Variants in DIP2B observed in about 807,000 individuals in gnomAD.
DIP2B encodes disco-interacting protein 2 homolog B.
Under a neutral mutation model 198.0 loss-of-function variants are expected in DIP2B, and 76 were observed. The observed-to-expected ratio is 0.38, with a 90% CI of 0.32 to 0.46. The LOEUF (loss-of-function observed/expected upper bound fraction) is 0.46, where lower values mean the gene tolerates loss of function less well. Among genes scored for constraint, DIP2B ranks in the 20% least tolerant of loss-of-function variants. The probability of loss-of-function intolerance (pLI) is 0.99; values close to 1 mark genes in which losing one functional copy is unlikely to be tolerated. For synonymous variants in DIP2B, 701 were observed against 739.1 expected, an observed-to-expected ratio of 0.95 and a Z score of 0.84; for missense variants, 1,559 against 1,978.4, an observed-to-expected ratio of 0.79 and a Z score of 4.02.
rs181138119 is a variant in DIP2B at position 50,627,546 on chromosome 12, C to G, written c.172+1499C>G. On this transcript the variant is annotated intron_variant, in intron 2 of 37. Coordinates refer to ENST00000301180, the MANE Select transcript of DIP2B (RefSeq NM_173602.3). ...GTCTCACTTTATTGCCCAGGCTGGT[C>G]TTGAACTCCTGAGCTCAAGTAGTAC... is the stretch of plus-strand genomic sequence containing the variant. Among the ~76,000 whole-genome samples the G allele has an allele frequency of 3.3e-5, 5 of 152,276 alleles. No homozygotes were observed. In the East Asian group the frequency reaches 7.7e-4, roughly 24 times the overall value.
At chr12:50,686,730 T>G in intron 12 of DIP2B, 48 bp downstream of exon 12, 1 of 1,545,986 alleles carries the variant, frequency 6.5e-7, no homozygotes, top group Admixed American at 1.9e-5. Context: ...CCTTGGGCTT[T>G]GCTTGCCACC....
intron 1 of DIP2B, among the ~76,000 whole-genome samples, chr12:50,601,151 T>C (rs1958932592): frequency 6.6e-6 from 1 of 152,104 alleles, no homozygotes; most frequent in South Asian, 2.1e-4. Context: ...AGGGGACCCT[T>C]GTCTGCTTTG....
chr12:50,734,321 G>A (rs1198562875), intron 33 of DIP2B, 125 bp downstream of exon 33: 1 of 939,736 alleles, frequency 1.1e-6, no homozygotes, highest in African/African-American at 1.7e-5. Flanking sequence ...TGGGAAGAGG[G>A]AAGGAATTTG....
At chr12:50,591,581 C>T (rs1376495243) in intron 1 of DIP2B, among the ~76,000 whole-genome samples, 1 of 151,698 alleles carries the variant, frequency 6.6e-6, no homozygotes, top group Non-Finnish European at 1.5e-5. Flanking sequence ...CCTACAAGCA[C>T]TTGACACCAC....
At chr12:50,645,182 T>C (rs1236819099) in intron 3 of DIP2B, among the ~76,000 whole-genome samples, 1 of 152,148 alleles carries the variant, frequency 6.6e-6, no homozygotes, top group Admixed American at 6.5e-5. Flanking sequence ...TAAAAATAAG[T>C]TGGTAATGTC....
chr12:50,589,397 A>G lies in DIP2B; in HGVS notation c.101-36579A>G, dbSNP rs188744428. 3.3e-5 allele frequency among the ~76,000 whole-genome samples: 5 copies of G among 151,848 alleles called. No homozygotes were observed. The East Asian group carries it at 9.8e-4, about 30-fold the overall frequency. On this transcript the variant is annotated intron_variant, in intron 1 of 37. Transcript: ENST00000301180. ...TTTTTAGTAGAGAGGGGGTTTCACC[A>G]TGTTGGCCAGGCTGGTCTCAAACTC...
chr12:50,633,422 C>T (rs1034649038), intron 2 of DIP2B: 45 of 152,198 alleles, frequency 3.0e-4, no homozygotes, highest in African/African-American at 1.0e-3. Flanking sequence ...GGAAGAATAA[C>T]ATGCAAAAAA....
rs1958132090 is a variant in DIP2B, at chr12:50,522,770, A to G, written c.100+17530A>G. On this transcript the variant is annotated intron_variant, in intron 1 of 37. Transcript: ENST00000301180. ...AATGCTAAGTAAGAATCCAGAAGAA[A>G]CATATTGCAAGAGAAAACCTAGTCG... is the stretch of plus-strand genomic sequence containing the variant. Among the ~76,000 whole-genome samples the G allele has an allele frequency of 2.0e-5, 3 of 152,304 alleles. 1 individual carries two copies. The South Asian group carries it at 6.2e-4, about 32-fold the overall frequency.
intron 8 of DIP2B, 146 bp from the exon 9 acceptor site, chr12:50,680,526 G>A: frequency 3.0e-6 from 2 of 673,814 alleles, no homozygotes; most frequent in East Asian, 2.6e-5. Flanking sequence ...CCTACTGTGT[G>A]TTGGGGGTGA....
In DIP2B at chr12:50,625,857, C is replaced by T. The variant is rs1037609702; in HGVS notation, c.101-119C>T. The T allele has an allele frequency of 5.6e-6, 6 of 1,066,804 alleles. No individual in the cohort carries two copies. In the Admixed American group the frequency reaches 6.3e-5, roughly 11 times the overall value. 66.1% of individuals were successfully genotyped at this position (1,066,804 alleles called of 1,614,324 possible). On this transcript the variant is annotated intron_variant, in intron 1 of 37. Coordinates refer to ENST00000301180, the MANE Select transcript of DIP2B (RefSeq NM_173602.3). ...TGGCAAAGAACCATACATTCCCCCC[C>T]CCAACCCCCTGCCTCTATATGGGGT...
chr12:50,541,997 C>CAA (rs1421591118), intron 1 of DIP2B, among the ~76,000 whole-genome samples: 1 of 107,044 alleles, frequency 9.3e-6, no homozygotes, highest in Admixed American at 1.1e-4. Flanking sequence ...GACTCTGTCT[C>CAA]AAAAAAAAAA....
At chr12:50,656,833 A>C (rs1398129949) in intron 3 of DIP2B, 1 of 152,162 alleles carries the variant, frequency 6.6e-6, no homozygotes, top group South Asian at 2.1e-4. Context: ...CGGCCTCCCA[A>C]AGTGCTGGAA....
chr12:50,732,206 C>T (rs528116790), intron 31 of DIP2B, among the ~76,000 whole-genome samples, 160 bp from the exon 32 acceptor site: 7 of 152,218 alleles, frequency 4.6e-5, no homozygotes, highest in African/African-American at 1.4e-4. Flanking sequence ...ATGCCTTGTC[C>T]GTTTCTTCTT....
intron 1 of DIP2B, among the ~76,000 whole-genome samples, chr12:50,536,990 T>A: frequency 6.6e-6 from 1 of 151,784 alleles, no homozygotes; most frequent in Middle Eastern, 3.2e-3. Flanking sequence ...CTCTGACACC[T>A]TGTAGCCTGT....
At chr12:50,666,030 T>TG (rs1938746511) in intron 4 of DIP2B, among the ~76,000 whole-genome samples, 1 of 152,212 alleles carries the variant, frequency 6.6e-6, no homozygotes, top group Admixed American at 6.5e-5. Flanking sequence ...CCATAATAAA[T>TG]GTGCTCTAAT....
intron 23 of DIP2B, among the ~76,000 whole-genome samples, chr12:50,717,245 T>TGCAGCTTTGAACTC (rs1939741726): frequency 6.6e-6 from 1 of 151,604 alleles, no homozygotes; most frequent in African/African-American, 2.4e-5. Flanking sequence ...ACGCCTGGCC[T>TGCAGCTTTGAACTC]TGCTGACATT....
chr12:50,644,034 G>A (rs1235950098), intron 3 of DIP2B, among the ~76,000 whole-genome samples: 1 of 152,106 alleles, frequency 6.6e-6, no homozygotes, highest in East Asian at 1.9e-4. Context: ...TTATTTGATG[G>A]AGGCTTATTA....
chr12:50,674,039 G>A (rs890008901), intron 5 of DIP2B, among the ~76,000 whole-genome samples: 1 of 152,030 alleles, frequency 6.6e-6, no homozygotes, highest in Non-Finnish European at 1.5e-5. Context: ...TGGTAGAAGG[G>A]GAAACATTCT....
At chr12:50,588,301 G>A (rs10876066) in intron 1 of DIP2B, among the ~76,000 whole-genome samples, 48,460 of 151,822 alleles carry the variant, frequency 0.32, 7,908 homozygotes, top group South Asian at 0.39. Flanking sequence ...ACAGGCATGT[G>A]CTACCAGGCC....
Sources: gnomAD v4.1 joint callset for allele counts (sites outside exome capture counted in the v4.1 genomes callset) on GRCh38, gnomAD v4.1.1 for gene constraint, MANE v1.5 for transcripts, NCBI Gene and HGNC (gene_info 2026-07-23, HGNC 2026-07-21) for gene names.